AK9: variants seen among roughly 807,000 people sequenced by gnomAD.
AK9 encodes the protein adenylate kinase domain containing 1.
In AK9, 191 loss-of-function variants were observed where a neutral mutation model predicts 239.6. That is an observed-to-expected ratio of 0.80 (90% confidence interval 0.71 to 0.90). AK9 has a LOEUF of 0.90. Among genes scored for constraint, AK9 ranks in the 40% least tolerant of loss-of-function variants. AK9 has a pLI of 0.00. For missense variants in AK9, 1,995 were observed against 2,214.7 expected, an observed-to-expected ratio of 0.90 and a Z score of 1.99; for synonymous variants, 689 against 721.0, an observed-to-expected ratio of 0.96 and a Z score of 0.71.
intron 10 of AK9, among the ~76,000 whole-genome samples, chr6:109,636,922 A>G (rs1482588057): frequency 6.6e-6 from 1 of 152,006 alleles, no homozygotes; most frequent in Non-Finnish European, 1.5e-5. Context: ...AAATGCCTAG[A>G]AGTGTAATTG....
intron 19 of AK9, among the ~76,000 whole-genome samples, chr6:109,584,007 A>C (rs1230306671): frequency 1.3e-5 from 2 of 152,140 alleles, no homozygotes; most frequent in African/African-American, 4.8e-5. Context: ...TTTGTAACAA[A>C]AGTTTTCAAA....
chr6:109,628,643 T>C (rs911899839), intron 12 of AK9, among the ~76,000 whole-genome samples: 3 of 152,150 alleles, frequency 2.0e-5, no homozygotes, highest in Non-Finnish European at 4.4e-5. Context: ...AGAACAAAGG[T>C]TGTCATTCTT....
At chr6:109,657,124 G>A (rs1799798540) in intron 7 of AK9, among the ~76,000 whole-genome samples, 1 of 152,150 alleles carries the variant, frequency 6.6e-6, no homozygotes, top group Admixed American at 6.5e-5. Flanking sequence ...TCCCCAATAA[G>A]TAGGGACGAG....
chr6:109,551,766 C>G (rs1253664120), intron 24 of AK9, among the ~76,000 whole-genome samples: 1 of 93,392 alleles, frequency 1.1e-5, no homozygotes, highest in South Asian at 6.9e-4. Context: ...TTTTTTATTT[C>G]TTCCAAAAAA....
rs546481656 is a variant in AK9 at position 109,600,660 on chromosome 6, C to T, written c.1842+9705G>A. On this transcript the variant is annotated intron_variant, in intron 17 of 40. Transcript: ENST00000424296. ...TTAGTTTCAGAAGGAATGGTACCAG[C>T]TCCTCCTTGTACCTCTGGTAGAATT... 3.3e-5 allele frequency among the ~76,000 whole-genome samples: 5 copies of T among 152,292 alleles called. No individual in the cohort carries two copies. The South Asian group carries it at 8.3e-4, about 25-fold the overall frequency.
At chr6:109,603,006 G>A (rs928736550) in intron 17 of AK9, among the ~76,000 whole-genome samples, 15 of 152,090 alleles carry the variant, frequency 9.9e-5, no homozygotes, top group Admixed American at 3.9e-4. Context: ...GCTTCTTTGC[G>A]ATGGGTTCGA....
chr6:109,493,327 T>G lies in AK9; in HGVS notation c.*42A>C. On this transcript the variant is annotated 3_prime_UTR_variant, in exon 41 of 41. Transcript: ENST00000424296. ...TTCTCTCAGTTTCCCTCTATCACTT[T>G]CAGATAACTCTTGAGATTCAGGCTG... The G allele has an allele frequency of 6.3e-7, 1 of 1,579,174 alleles. No homozygotes were observed. Among genetic ancestry groups the G allele is most frequent in the South Asian group, 1.1e-5 (1 of 89,062 alleles).
intron 28 of AK9, among the ~76,000 whole-genome samples, chr6:109,529,352 T>C (rs1780938437): frequency 6.6e-6 from 1 of 152,092 alleles, no homozygotes; most frequent in African/African-American, 2.4e-5. Context: ...TTATCGCTCA[T>C]TTGTTTGTTT....
chr6:109,613,926 C>T (rs1418921328), intron 15 of AK9, among the ~76,000 whole-genome samples: 1 of 151,990 alleles, frequency 6.6e-6, no homozygotes, highest in Non-Finnish European at 1.5e-5. Context: ...GATTTTATAA[C>T]ATTGGAAACA....
Position 109,611,994 on chromosome 6 carries a change from A to T in AK9, c.1693+16T>A. The T allele has an allele frequency of 6.9e-7, 1 of 1,445,802 alleles. No individual in the cohort carries two copies. The highest frequency in any genetic ancestry group is 9.4e-7 in the Non-Finnish European group (1 of 1,066,822). 89.6% of individuals were successfully genotyped at this position (1,445,802 alleles called of 1,614,324 possible). A position where few individuals can be genotyped will look rare whatever the true frequency, so the allele number is the denominator to read the frequency against. On this transcript the variant is annotated intron_variant, in intron 16 of 40. Coordinates refer to ENST00000424296, the MANE Select transcript of AK9 (RefSeq NM_001145128.3). Reference sequence around the variant, plus strand: ...CCACAATCTAAAAGAATCAAATTATACAAATATTAATTTACCTGTATCTGA... The same window carrying T: ...CCACAATCTAAAAGAATCAAATTATTCAAATATTAATTTACCTGTATCTGA...
At chr6:109,525,598 AAC>A (rs534399750) in intron 29 of AK9, among the ~76,000 whole-genome samples, 90 of 152,344 alleles carry the variant, frequency 5.9e-4, no homozygotes, top group Admixed American at 2.1e-3. Flanking sequence ...GCAAATCGAA[AAC>A]ACAGTGGTGT....
rs1046356794 is a variant in AK9, at chr6:109,660,714, G to A, written c.445-1301C>T. Among the ~76,000 whole-genome samples, 6 of 152,282 alleles carry A rather than the reference G, an allele frequency of 3.9e-5. No individual in the cohort carries two copies. In the East Asian group the frequency reaches 1.2e-3, roughly 29 times the overall value. On this transcript the variant is annotated intron_variant, in intron 6 of 40. Coordinates refer to ENST00000424296, the MANE Select transcript of AK9 (RefSeq NM_001145128.3). ...CATTTGCAGGAAATGACTAATGAAA[G>A]TGTGAGTCTGAAGGATATAACTCAG...
At chr6:109,608,853 A>G (rs1480868342) in intron 17 of AK9, among the ~76,000 whole-genome samples, 1 of 152,226 alleles carries the variant, frequency 6.6e-6, no homozygotes, top group African/African-American at 2.4e-5. Flanking sequence ...GAAACAATCC[A>G]ATTTAAAAAA....
intron 25 of AK9, among the ~76,000 whole-genome samples, chr6:109,547,176 C>T (rs1397953044): frequency 6.6e-6 from 1 of 152,130 alleles, no homozygotes; most frequent in Non-Finnish European, 1.5e-5. Context: ...CCACATACTT[C>T]AGTAGTCTCA....
At chr6:109,656,617 T>G (rs1185518528) in intron 8 of AK9, 139 bp downstream of exon 8, 1 of 987,652 alleles carries the variant, frequency 1.0e-6, no homozygotes, top group Non-Finnish European at 1.4e-6. Context: ...GGAGGCCTTT[T>G]TCTGACAGCT....
At chr6:109,543,290 G>T (rs1783118286) in intron 26 of AK9, among the ~76,000 whole-genome samples, 1 of 151,978 alleles carries the variant, frequency 6.6e-6, no homozygotes, top group Non-Finnish European at 1.5e-5. Context: ...CGGGAAGCAG[G>T]ATTAATTTTA....
chr6:109,541,944 T>C, intron 27 of AK9, 103 bp downstream of exon 27: 3 of 1,035,572 alleles, frequency 2.9e-6, no homozygotes, highest in Non-Finnish European at 4.0e-6. Context: ...TACATGAATA[T>C]AAAGGAGAAA....
At chr6:109,501,992 A>G (rs1432569394) in intron 35 of AK9, among the ~76,000 whole-genome samples, 1 of 152,184 alleles carries the variant, frequency 6.6e-6, no homozygotes, top group African/African-American at 2.4e-5. Flanking sequence ...TGCCCAATTA[A>G]TCTGAACATA....
At chr6:109,633,387 A>C in intron 10 of AK9, 64 bp from the exon 11 acceptor site, 1 of 1,465,662 alleles carries the variant, frequency 6.8e-7, no homozygotes, top group Non-Finnish European at 9.1e-7. Flanking sequence ...AGGAGCATTA[A>C]ATATTTCATT....
Sources: gnomAD v4.1 joint callset for allele counts (sites outside exome capture counted in the v4.1 genomes callset) on GRCh38, gnomAD v4.1.1 for gene constraint, MANE v1.5 for transcripts, NCBI Gene and HGNC (gene_info 2026-07-23, HGNC 2026-07-21) for gene names.